Variants in WWP1 observed in about 807,000 individuals in gnomAD.
WWP1 encodes the protein NEDD4-like E3 ubiquitin-protein ligase WWP1.
Under a neutral mutation model 130.6 loss-of-function variants are expected in WWP1, and 49 were observed. The observed-to-expected ratio is 0.38, with a 90% confidence interval of 0.30 to 0.48. The LOEUF is 0.48. Ranked by LOEUF, WWP1 falls within the 20% of genes least tolerant of loss-of-function variation. The pLI, the probability that WWP1 is intolerant of heterozygous loss-of-function variation, is 0.99. For missense variants in WWP1, 809 were observed against 1,100.6 expected (o/e 0.74, Z 3.75); for synonymous variants, 332 against 367.8 (o/e 0.90, Z 1.11).
At chr8:86,436,357 T>A (rs1810290011) in intron 16 of WWP1, among the ~76,000 whole-genome samples, 1 of 152,212 alleles carries the variant, frequency 6.6e-6, no homozygotes, top group Non-Finnish European at 1.5e-5. Context: ...TTTAATAACT[T>A]TATTTTCACC....
At position 86,438,591 on chromosome 8, in the gene WWP1, G is replaced by T. The variant is rs1810423833; in HGVS notation, c.1756G>T (p.Ala586Ser). Reference protein sequence around the residue: ...LFEDSFQQIMALKPYDLRRRL... With the variant: ...LFEDSFQQIMSLKPYDLRRRL... Reference sequence around the variant, plus strand: ...TGTTTTTGTTTTTAATTAGATTATGGCATTAAAACCCTATGACTTGAGGAG... The same window carrying T: ...TGTTTTTGTTTTTAATTAGATTATGTCATTAAAACCCTATGACTTGAGGAG... The change falls in exon 17 of 25, where the codon GCA (alanine) becomes TCA (serine). Residue 586 changes from alanine (A) to serine (S), a missense_variant. Ala to Ser is a moderately conservative substitution (Grantham distance 99). This residue lies in a region of WWP1 where 450 missense variants were observed against 674.2 expected (regional missense o/e 0.67). Transcript: ENST00000517970. The T allele has an allele frequency of 6.3e-7, 1 of 1,598,380 alleles. No homozygotes were observed. The highest frequency in any genetic ancestry group is 8.5e-7 in the Non-Finnish European group (1 of 1,175,368).
At chr8:86,437,789 T>C (rs973379952) in intron 16 of WWP1, among the ~76,000 whole-genome samples, 4 of 152,176 alleles carry the variant, frequency 2.6e-5, no homozygotes, top group African/African-American at 9.7e-5. Flanking sequence ...TTGTATAATA[T>C]ATGTATTATA....
chr8:86,369,904 AT>A (rs927639646), intron 2 of WWP1, among the ~76,000 whole-genome samples: 3 of 152,074 alleles, frequency 2.0e-5, no homozygotes, highest in African/African-American at 7.2e-5. Context: ...CATTCTTTAA[AT>A]TAAAAAAAAA....
intron 1 of WWP1, among the ~76,000 whole-genome samples, chr8:86,360,078 A>C (rs375836975): frequency 7.3e-5 from 11 of 151,268 alleles, no homozygotes; most frequent in African/African-American, 1.9e-4. Context: ...CAAAAAAAAA[A>C]CACAATCCTC....
At chr8:86,389,910 C>CA (rs1825538243) in intron 5 of WWP1, among the ~76,000 whole-genome samples, 3 of 151,216 alleles carry the variant, frequency 2.0e-5, no homozygotes, top group Non-Finnish European at 4.4e-5. Context: ...GGGCGGCTGC[C>CA]GGGCGGAGAC....
Position 86,380,865 on chromosome 8 carries a change from G to A in WWP1, c.209+1G>A. On this transcript the variant is annotated splice_donor_variant, in intron 4 of 24. Transcript: ENST00000517970. LOFTEE classifies it high-confidence loss of function. ...CAAAATGGGATGAACAGCTAACTGT[G>A]TAAGTACCTTGTGTAAAGGACGGAA... 1.3e-6 allele frequency: 2 copies of A among 1,597,468 alleles called. No individual in the cohort carries two copies. Among genetic ancestry groups the A allele is most frequent in the Non-Finnish European group, 1.7e-6 (2 of 1,174,068 alleles).
chr8:86,346,123 A>G (rs1822562853), intron 1 of WWP1, among the ~76,000 whole-genome samples: 1 of 152,240 alleles, frequency 6.6e-6, no homozygotes, highest in South Asian at 2.1e-4. Flanking sequence ...CTTTCATCAG[A>G]GTATCTACTC....
chr8:86,390,631 C>T (rs1807262707), intron 5 of WWP1, among the ~76,000 whole-genome samples: 2 of 151,352 alleles, frequency 1.3e-5, no homozygotes, highest in South Asian at 2.1e-4. Context: ...TGCAGTGAAC[C>T]GAGATGGCGG....
At chr8:86,411,469 T>A (rs929164523) in intron 8 of WWP1, 69 bp from the exon 9 acceptor site, 2 of 1,379,816 alleles carry the variant, frequency 1.4e-6, no homozygotes, top group Non-Finnish European at 1.0e-6. Flanking sequence ...ATAAGTGTAG[T>A]CAATTGATTA....
Position 86,373,076 on chromosome 8 carries a change from T to G in WWP1, c.-21-954T>G, listed in dbSNP as rs916972066. On this transcript the variant is annotated intron_variant, in intron 2 of 24. Transcript: ENST00000517970. ...TGTTTTTCAGTTCTTAGTTTGTTTT[T>G]TTTTTTTTTGTAATTTCCAACATGG... Among the ~76,000 whole-genome samples the G allele has an allele frequency of 3.0e-3, 449 of 151,468 alleles. 2 individuals carry two copies. Among genetic ancestry groups the G allele is most frequent in the African/African-American group, 0.01 (417 of 41,480 alleles).
chr8:86,451,048 CA>C (rs1194736803), intron 20 of WWP1, among the ~76,000 whole-genome samples: 12 of 149,650 alleles, frequency 8.0e-5, no homozygotes, highest in Non-Finnish European at 3.0e-5. Flanking sequence ...CTCATCTCTA[CA>C]AAAATAAATA....
rs570284987 is a variant in WWP1 at position 86,442,061 on chromosome 8, A to C, written c.1839-558A>C. 7.9e-5 allele frequency among the ~76,000 whole-genome samples: 12 copies of C among 152,310 alleles called. No homozygotes were observed. In the East Asian group the frequency reaches 2.3e-3, roughly 29 times the overall value. ...AATGACAATAAAGTTAAAAGTGTTA[A>C]ATAGCAGCAGTGCTGTGTATCTCGG... On this transcript the variant is annotated intron_variant, in intron 17 of 24. Transcript: ENST00000517970.
intron 1 of WWP1, among the ~76,000 whole-genome samples, chr8:86,361,747 C>CT (rs1263857683): frequency 6.6e-6 from 1 of 151,978 alleles, no homozygotes; most frequent in African/African-American, 2.4e-5. Context: ...TCTCAGAATT[C>CT]TTTCCTGACA....
At chr8:86,353,893 T>C (rs1823101777) in intron 1 of WWP1, among the ~76,000 whole-genome samples, 1 of 152,236 alleles carries the variant, frequency 6.6e-6, no homozygotes, top group Non-Finnish European at 1.5e-5. Flanking sequence ...ATTGTGTCGA[T>C]GTTTACAAGT....
chr8:86,404,560 G>A (rs1374266352), intron 8 of WWP1, among the ~76,000 whole-genome samples: 1 of 152,172 alleles, frequency 6.6e-6, no homozygotes, highest in African/African-American at 2.4e-5. Context: ...TAAAATGGAT[G>A]TGAGGAACAT....
At chr8:86,411,490 T>A in intron 8 of WWP1, 48 bp from the exon 9 acceptor site, 1 of 1,517,784 alleles carries the variant, frequency 6.6e-7, no homozygotes, top group Non-Finnish European at 9.0e-7. Context: ...GGTAATTGAT[T>A]GCTTTATCAT....
chr8:86,377,233 A>G (rs989906820), intron 3 of WWP1, among the ~76,000 whole-genome samples: 1 of 149,832 alleles, frequency 6.7e-6, no homozygotes, highest in African/African-American at 2.5e-5. Context: ...TTACAGGTGC[A>G]TGCCAGCATT....
chr8:86,428,823 T>C (rs1809775084), intron 11 of WWP1, among the ~76,000 whole-genome samples: 1 of 152,176 alleles, frequency 6.6e-6, no homozygotes, highest in Admixed American at 6.5e-5. Flanking sequence ...TATATAGCTA[T>C]ATACATCCAT....
At chr8:86,389,000 T>C (rs1825452875) in intron 5 of WWP1, among the ~76,000 whole-genome samples, 1 of 152,220 alleles carries the variant, frequency 6.6e-6, no homozygotes, top group African/African-American at 2.4e-5. Flanking sequence ...AGAAGTTGCA[T>C]ATTTTACCTC....
Sources: gnomAD v4.1 joint callset for allele counts (sites outside exome capture counted in the v4.1 genomes callset) on GRCh38, gnomAD v4.1.1 for gene constraint, gnomAD v4.1.1 regional missense constraint, MANE v1.5 for transcripts, NCBI Gene and HGNC (gene_info 2026-07-23, HGNC 2026-07-21) for gene names.